Variants in MYLK4 observed in about 807,000 individuals in gnomAD.
MYLK4 encodes the protein caMLCK like.
Under a neutral mutation model 48.1 loss-of-function variants are expected in MYLK4, and 46 were observed. The observed-to-expected ratio is 0.96, with a 90% CI of 0.75 to 1.22. The LOEUF (loss-of-function observed/expected upper bound fraction) is 1.22, where lower values mean the gene tolerates loss of function less well. Ranked by LOEUF, MYLK4 falls within the 50% of genes most tolerant of loss-of-function variation. The probability of loss-of-function intolerance (pLI) is 0.00; values close to 1 mark genes in which losing one functional copy is unlikely to be tolerated. For missense variants in MYLK4, 451 were observed against 486.1 expected (o/e 0.93, Z 0.68); for synonymous variants, 170 against 180.8 (o/e 0.94, Z 0.48).
chr6:2,740,411 A>G (rs1763858775), intron 2 of MYLK4, among the ~76,000 whole-genome samples: 1 of 152,208 alleles, frequency 6.6e-6, no homozygotes, highest in Non-Finnish European at 1.5e-5. Context: ...GCATTTATGC[A>G]TATGCAACTG....
chr6:2,761,757 T>A, the MYLK4 span, among the ~76,000 whole-genome samples: 1 of 152,172 alleles, frequency 6.6e-6, no homozygotes, highest in African/African-American at 2.4e-5. Context: ...TCATAGGTCA[T>A]CCAAATAGCT....
intron 2 of MYLK4, among the ~76,000 whole-genome samples, chr6:2,722,761 T>TCTTA (rs1427934697): frequency 2.6e-5 from 4 of 152,334 alleles, no homozygotes; most frequent in African/African-American, 9.6e-5. Context: ...AACTGCTGTG[T>TCTTA]CTTAGCAAAG....
intron 7 of MYLK4, among the ~76,000 whole-genome samples, chr6:2,682,179 G>A (rs1371904779): frequency 6.6e-6 from 1 of 152,182 alleles, no homozygotes; most frequent in Non-Finnish European, 1.5e-5. Flanking sequence ...TAGATGGGAT[G>A]TTATATAGAT....
At chr6:2,725,583 AAGAG>A (rs202198851) in intron 2 of MYLK4, among the ~76,000 whole-genome samples, 1 of 105,642 alleles carries the variant, frequency 9.5e-6, no homozygotes, top group Non-Finnish European at 2.0e-5. Flanking sequence ...AAGAAAAAGA[AAGAG>A]AAAGAAAGAA....
chr6:2,724,696 G>A (rs948555761), intron 2 of MYLK4, among the ~76,000 whole-genome samples: 8 of 152,112 alleles, frequency 5.3e-5, no homozygotes, highest in African/African-American at 1.9e-4. Context: ...ATGATGCGGT[G>A]AACACAGAGC....
chr6:2,766,144 C>T, the MYLK4 span: 2 of 1,314,390 alleles, frequency 1.5e-6, no homozygotes. Context: ...ACGGCGATGG[C>T]GACGGGGACG....
At position 2,666,102 on chromosome 6, in the gene MYLK4, T is replaced by G. The variant is rs1333848895; in HGVS notation, c.*1823A>C. On this transcript the variant is annotated 3_prime_UTR_variant, in exon 13 of 13. Coordinates refer to ENST00000274643, the MANE Select transcript of MYLK4 (RefSeq NM_001012418.5). The stretch of plus-strand genomic sequence containing the variant: ...TTTTATAACTAACACGACCACAAAA[T>G]TCGCATGTGGCCTTCACCAAATCAC... 2.6e-5 allele frequency: 4 copies of G among 152,202 alleles called. No homozygotes were observed. The highest frequency in any genetic ancestry group is 9.6e-5 in the African/African-American group (4 of 41,456). 9.4% of individuals were successfully genotyped at this position (152,202 alleles called of 1,614,324 possible).
At chr6:2,766,569 G>C in the MYLK4 span, 1 of 1,391,714 alleles carries the variant, frequency 7.2e-7, no homozygotes, top group South Asian at 1.6e-5. Flanking sequence ...AGGGGGTGCA[G>C]ACTTGGGCTG....
intron 8 of MYLK4, 23 bp from the exon 9 acceptor site, chr6:2,679,431 G>A (rs1761211744): frequency 1.2e-6 from 2 of 1,613,998 alleles, no homozygotes; most frequent in African/African-American, 1.3e-5. Context: ...AGACAAAGTG[G>A]AAGGATGGAC....
chr6:2,765,984 G>A, the MYLK4 span: 2 of 1,399,180 alleles, frequency 1.4e-6, no homozygotes. Context: ...AGCGGCGCCC[G>A]CCTTATCCCC....
intron 2 of MYLK4, among the ~76,000 whole-genome samples, chr6:2,727,310 C>T (rs58429251): frequency 6.6e-6 from 1 of 152,070 alleles, no homozygotes; most frequent in African/African-American, 2.4e-5. Flanking sequence ...AAGAGAAGAC[C>T]CCGGAAAGCG....
rs760282729 is a variant in MYLK4, at chr6:2,671,340, C to A, written c.1128G>T (p.Lys376Asn). ...AGTCCTGGGCATCAGAGCCACGATT[C>A]TTCTTCTTCTAGGGAAAGCAGAAGG... is the stretch of plus-strand genomic sequence containing the variant. ...LHSRLNAQKKKNRGSDAQDFV... is the reference protein window; with the variant it reads ...LHSRLNAQKKNNRGSDAQDFV... Residue 376 changes from lysine to asparagine, a missense_variant, in exon 12 of 13, where the codon AAG (lysine) becomes AAT (asparagine). Physicochemically the swap from Lys to Asn is moderately conservative, Grantham distance 94. Transcript: ENST00000274643. 7.4e-6 allele frequency: 12 copies of A among 1,611,936 alleles called. No homozygotes were observed. The African/African-American group carries it at 8.0e-5, about 11-fold the overall frequency.
At chr6:2,746,035 G>A (rs1682875562) in intron 2 of MYLK4, among the ~76,000 whole-genome samples, 1 of 151,996 alleles carries the variant, frequency 6.6e-6, no homozygotes, top group Non-Finnish European at 1.5e-5. Flanking sequence ...GGTGGATCAT[G>A]AGGTCAGGAG....
intron 2 of MYLK4, among the ~76,000 whole-genome samples, chr6:2,725,551 G>GAAAC (rs769433398): frequency 1.3e-4 from 16 of 124,656 alleles, no homozygotes; most frequent in Non-Finnish European, 2.6e-4. Context: ...AAGAAACAAA[G>GAAAC]AAACAAAGAA....
intron 6 of MYLK4, among the ~76,000 whole-genome samples, chr6:2,684,135 T>G (rs1398235010): frequency 2.6e-5 from 4 of 152,196 alleles, no homozygotes; most frequent in Non-Finnish European, 4.4e-5. Context: ...ACTACTCTTG[T>G]GTCTTGGGGC....
In MYLK4 at chr6:2,734,429, C is replaced by T. The variant is rs939041746; in HGVS notation, c.159+14707G>A. ...AGGGAGTGCTGCCACTTCACACGTC[C>T]TCTCACCCGGGCTTATCTAACTGGC... On this transcript the variant is annotated intron_variant, in intron 2 of 12. Coordinates refer to ENST00000274643, the MANE Select transcript of MYLK4 (RefSeq NM_001012418.5). Among the ~76,000 whole-genome samples the T allele has an allele frequency of 6.6e-5, 10 of 152,164 alleles. No homozygotes were observed. The South Asian group carries it at 2.1e-3, about 32-fold the overall frequency.
chr6:2,697,855 G>A (rs575087350), intron 2 of MYLK4, among the ~76,000 whole-genome samples: 1 of 152,208 alleles, frequency 6.6e-6, no homozygotes, highest in African/African-American at 2.4e-5. Flanking sequence ...ACCGAACAGA[G>A]GGTAAAGTTC....
intron 12 of MYLK4, among the ~76,000 whole-genome samples, chr6:2,670,402 C>T (rs1325743606): frequency 7.4e-6 from 1 of 135,310 alleles, no homozygotes; most frequent in Non-Finnish European, 1.6e-5. Flanking sequence ...CAACAGTGAG[C>T]AGCAAGAACT....
chr6:2,745,324 T>C (rs968860076), intron 2 of MYLK4, among the ~76,000 whole-genome samples: 1 of 152,172 alleles, frequency 6.6e-6, no homozygotes, highest in African/African-American at 2.4e-5. Context: ...AAAACCCAGA[T>C]TCAACTGTAC....
Sources: allele counts gnomAD v4.1 joint callset (sites outside exome capture counted in the v4.1 genomes callset), GRCh38; gene constraint gnomAD v4.1.1; transcripts MANE v1.5; gene names NCBI Gene and HGNC (gene_info 2026-07-23, HGNC 2026-07-21).